Variants in CENPS observed in about 807,000 individuals in gnomAD.
The protein encoded by CENPS is FANCM associated histone fold protein 1.
A neutral mutation model predicts 17.9 loss-of-function variants in CENPS; 16 were observed. That is an observed-to-expected ratio of 0.90 (90% CI 0.61 to 1.36). The LOEUF (loss-of-function observed/expected upper bound fraction) is 1.36. CENPS is among the 40% of genes most tolerant of loss of function. The pLI is 0.00. For missense variants in CENPS, 160 were observed against 158.6 expected (o/e 1.01, Z -0.05); for synonymous variants, 49 against 55.8 (o/e 0.88, Z 0.54).
At chr1:10,439,827 C>A (rs1214978922) in intron 3 of CENPS, among the ~76,000 whole-genome samples, 3 of 151,998 alleles carry the variant, frequency 2.0e-5, no homozygotes, top group Admixed American at 2.0e-4. Flanking sequence ...GGGAATGGGG[C>A]CTTAGGAGGT....
chr1:10,433,825 T>G lies in CENPS; in HGVS notation c.52-17T>G. 5.6e-6 allele frequency: 9 copies of G among 1,613,978 alleles called. No homozygotes were observed. The highest frequency in any genetic ancestry group is 2.7e-5 in the African/African-American group (2 of 75,038). ...TTTGCAGCCTTACCCGTGAAATATTTTGATGTTTTTCCCCAGAGGCTAAAG... is the reference window on the plus strand; with the variant it reads ...TTTGCAGCCTTACCCGTGAAATATTGTGATGTTTTTCCCCAGAGGCTAAAG... On this transcript the variant is annotated splice_polypyrimidine_tract_variant and intron_variant, in intron 1 of 4. Transcript: ENST00000309048.
intron 1 of CENPS, 196 bp downstream of exon 1, chr1:10,430,764 G>A: frequency 2.9e-6 from 4 of 1,395,084 alleles, no homozygotes; most frequent in South Asian, 3.2e-5. Context: ...CTGGACCCTG[G>A]CCTGCGCTGG....
At chr1:10,434,340 T>A (rs1408903189) in intron 2 of CENPS, among the ~76,000 whole-genome samples, 2 of 152,090 alleles carry the variant, frequency 1.3e-5, no homozygotes, top group Non-Finnish European at 2.9e-5. Context: ...AGAGGGGAAA[T>A]GAAAGACCTC....
chr1:10,432,864 C>T (rs1207021580), intron 1 of CENPS, among the ~76,000 whole-genome samples: 2 of 152,146 alleles, frequency 1.3e-5, no homozygotes, highest in Non-Finnish European at 2.9e-5. Flanking sequence ...CTGTGATCTT[C>T]GTGCCTCCCA....
At chr1:10,436,972 G>C (rs1465287339) in intron 3 of CENPS, among the ~76,000 whole-genome samples, 1 of 152,106 alleles carries the variant, frequency 6.6e-6, no homozygotes, top group Non-Finnish European at 1.5e-5. Context: ...GTCAGCTTTG[G>C]TTATCTTGTG....
intron 3 of CENPS, among the ~76,000 whole-genome samples, chr1:10,437,401 T>C (rs1167485820): frequency 2.5e-5 from 1 of 40,014 alleles, no homozygotes; most frequent in Non-Finnish European, 5.4e-5. Context: ...TTCTTATTTC[T>C]TTTTTTTTTT....
At chr1:10,430,599 G>GGGCAGGACGGC in intron 1 of CENPS, 31 bp downstream of exon 1, 1 of 1,527,896 alleles carries the variant, frequency 6.5e-7, no homozygotes, top group African/African-American at 1.4e-5. Context: ...GGCTGGGCTG[G>GGGCAGGACGGC]GGCAGGACGG....
intron 3 of CENPS, among the ~76,000 whole-genome samples, chr1:10,437,792 T>C (rs1225567304): frequency 1.5e-5 from 2 of 134,942 alleles, no homozygotes; most frequent in Non-Finnish European, 1.5e-5. Flanking sequence ...TGAGACAGAG[T>C]CTCTCTGTCG....
intron 3 of CENPS, among the ~76,000 whole-genome samples, chr1:10,435,808 C>T (rs1257195622): frequency 3.3e-5 from 5 of 151,902 alleles, no homozygotes; most frequent in Non-Finnish European, 5.9e-5. Context: ...AACTCCTGTG[C>T]TCAAGCAATC....
At chr1:10,439,994 A>G (rs1640338220) in intron 3 of CENPS, 1 of 238,672 alleles carries the variant, frequency 4.2e-6, no homozygotes. Context: ...TCTCTGCACT[A>G]GAGTTGTACA....
chr1:10,433,985 C>A lies in CENPS; in HGVS notation c.175+20C>A. On this transcript the variant is annotated intron_variant, in intron 2 of 4. Coordinates refer to ENST00000309048, the MANE Select transcript of CENPS (RefSeq NM_199294.3). Reference sequence around the variant, plus strand: ...AGTGTGGTATGAAGCTTCGGCCTCCCCAGCCATGTCTGTAAACCCCAAAGG... The same window carrying A: ...AGTGTGGTATGAAGCTTCGGCCTCCACAGCCATGTCTGTAAACCCCAAAGG... 1 of 1,613,896 alleles carries A rather than the reference C, an allele frequency of 6.2e-7. No homozygotes were observed. The highest frequency in any genetic ancestry group is 1.1e-5 in the South Asian group (1 of 91,062).
At chr1:10,441,350 T>C (rs1439014349) in intron 4 of CENPS, among the ~76,000 whole-genome samples, 2 of 143,968 alleles carry the variant, frequency 1.4e-5, no homozygotes, top group African/African-American at 5.1e-5. Flanking sequence ...GGGGTCTCAC[T>C]TTGTCACCCA....
In CENPS at chr1:10,434,873, T is replaced by C. The variant is rs144771252; in HGVS notation, c.209+183T>C. On this transcript the variant is annotated intron_variant, in intron 3 of 4. Transcript: ENST00000309048. ...CTTCAATCACGGTGATTCACACTTATTTGAACATTTTTTGAAGTTTTCCAA... is the reference window on the plus strand; with the variant it reads ...CTTCAATCACGGTGATTCACACTTACTTGAACATTTTTTGAAGTTTTCCAA... Among the ~76,000 whole-genome samples the C allele has an allele frequency of 6.4e-3, 979 of 152,310 alleles. 22 individuals are homozygous for C. Among genetic ancestry groups the C allele is most frequent in the South Asian group, 3.9e-3 (19 of 4,826 alleles).
chr1:10,434,646 TTC>T lies in CENPS; in HGVS notation c.176-7_176-6del, dbSNP rs1640068059. 4 of 1,603,172 alleles carry T rather than the reference TTC, an allele frequency of 2.5e-6. No homozygotes were observed. Among genetic ancestry groups the T allele is most frequent in the African/African-American group, 1.4e-5 (1 of 73,932 alleles). On this transcript the variant is annotated splice_polypyrimidine_tract_variant and intron_variant, in intron 2 of 4. Coordinates refer to ENST00000309048, the MANE Select transcript of CENPS (RefSeq NM_199294.3). ...GGTGCCTAAAGTGTGTATCTTTTTT[TTC>T]TCTTTCAGAAAATTTTGCCAAAGAC...
chr1:10,431,242 AG>A, intron 1 of CENPS: 1 of 1,533,352 alleles, frequency 6.5e-7, no homozygotes, highest in Non-Finnish European at 8.7e-7. Context: ...CTTAAAAGCA[AG>A]ACCCGGAGTG....
chr1:10,435,067 G>A (rs1274851106), intron 3 of CENPS, among the ~76,000 whole-genome samples: 1 of 152,210 alleles, frequency 6.6e-6, no homozygotes, highest in Admixed American at 6.5e-5. Flanking sequence ...CCTCTGCGGA[G>A]GGAGCTGCAG....
intron 3 of CENPS, 57 bp from the exon 4 acceptor site, chr1:10,440,290 A>C (rs891646236): frequency 1.3e-6 from 2 of 1,597,570 alleles, no homozygotes; most frequent in Non-Finnish European, 1.7e-6. Context: ...TCTGTGTTTC[A>C]TCAAAACTTT....
chr1:10,434,081 C>T, intron 2 of CENPS, 116 bp downstream of exon 2: 5 of 1,530,074 alleles, frequency 3.3e-6, no homozygotes, highest in Non-Finnish European at 8.8e-7. Context: ...AGAATATTAT[C>T]ATCCTCATGC....
chr1:10,435,710 T>C (rs375944750), intron 3 of CENPS, among the ~76,000 whole-genome samples: 62,528 of 141,950 alleles, frequency 0.44, 14,183 homozygotes, highest in South Asian at 0.56. Context: ...ATAATATATA[T>C]ATATATACAC....
Sources: gnomAD v4.1 joint callset for allele counts (sites outside exome capture counted in the v4.1 genomes callset) on GRCh38, gnomAD v4.1.1 for gene constraint, MANE v1.5 for transcripts, NCBI Gene and HGNC (gene_info 2026-07-23, HGNC 2026-07-21) for gene names.